The following LRP1 variants were observed in gnomAD, a reference collection of about 807,000 sequenced individuals.
LRP1 encodes the protein prolow-density lipoprotein receptor-related protein 1.
In LRP1, 51 loss-of-function variants were observed where a neutral mutation model predicts 541.5. That is an observed-to-expected ratio of 0.09 (90% confidence interval 0.08 to 0.12). The LOEUF (loss-of-function observed/expected upper bound fraction) is 0.12, where lower values mean the gene tolerates loss of function less well. Among genes scored for constraint, LRP1 ranks in the 10% least tolerant of loss-of-function variants. The pLI, the probability that LRP1 is intolerant of heterozygous loss-of-function variation, is 1.00. For missense variants in LRP1, 3,878 were observed against 6,376.2 expected (o/e 0.61, Z 13.34); for synonymous variants, 2,219 against 2,470.8 (o/e 0.90, Z 3.02).
rs924721486 is a variant in LRP1, at chr12:57,211,776, G to A, written c.13220G>A (p.Arg4407Gln). 8 of 1,612,896 alleles carry A rather than the reference G, an allele frequency of 5.0e-6. No individual in the cohort carries two copies. The highest frequency in any genetic ancestry group is 4.0e-5 in the African/African-American group (3 of 74,892). The part of the protein sequence containing the change: ...CQCPPHMTGP[R>Q]CEEHVFSQQQ... ...TGCCCACCCCACATGACAGGGCCCC[G>A]GTGTGAGGAGCACGTCTTCAGCCAG... The change falls in exon 86 of 89, where the codon CGG (arginine) becomes CAG (glutamine). Residue 4407 changes from arginine to glutamine, a missense_variant. Physicochemically the swap from Arg to Gln is conservative, Grantham distance 43. Around this residue, in one of 13 missense-constraint regions of LRP1, gnomAD observed 871 missense variants for 1,212.4 expected, o/e 0.72. Transcript: ENST00000243077. This position sits in a 1 kb window ranked among gnomAD's most constrained non-coding sequence, Gnocchi z 4.3.
Position 57,202,543 on chromosome 12 carries a change from T to TTGGGCCCCCCCC in LRP1, c.10711+6_10711+7insTGGGCCCCCCCC. ...CTCCGATGAAGAGAGCTGCAGTACGTCCCCACCCACCCAGCCCCGCATGAG... is the reference window on the plus strand; with the variant it reads ...CTCCGATGAAGAGAGCTGCAGTACGTTGGGCCCCCCCCCCCCACCCACCCAGCCCCGCATGAG... On this transcript the variant is annotated splice_region_variant and intron_variant, in intron 68 of 88. Coordinates refer to ENST00000243077, the MANE Select transcript of LRP1 (RefSeq NM_002332.3). The TTGGGCCCCCCCC allele has an allele frequency of 1.3e-6, 2 of 1,523,638 alleles. No individual in the cohort carries two copies. The highest frequency in any genetic ancestry group is 8.9e-7 in the Non-Finnish European group (1 of 1,124,814). The allele number at this position is 1,523,638 out of a possible 1,614,324, so 94.4% of individuals were successfully genotyped here.
chr12:57,143,483 T>C (rs2035338181), intron 3 of LRP1, among the ~76,000 whole-genome samples, 196 bp from the exon 4 acceptor site: 1 of 152,230 alleles, frequency 6.6e-6, no homozygotes, highest in Non-Finnish European at 1.5e-5. Context: ...ACCTTGGGCT[T>C]GTCTTATAGC....
chr12:57,144,702 G>C, intron 4 of LRP1: 1 of 487,420 alleles, frequency 2.1e-6, no homozygotes, highest in East Asian at 3.4e-5. Flanking sequence ...AAAGTTCACT[G>C]ATGCACCCCT....
intron 6 of LRP1, among the ~76,000 whole-genome samples, chr12:57,147,209 G>A (rs1460396943): frequency 6.6e-6 from 1 of 151,130 alleles, no homozygotes; most frequent in Non-Finnish European, 1.5e-5. Context: ...CCCAGCTTCT[G>A]TCCCTTCCTC....
At chr12:57,132,556 A>G (rs2035059254) in intron 1 of LRP1, among the ~76,000 whole-genome samples, 1 of 152,088 alleles carries the variant, frequency 6.6e-6, no homozygotes, top group Non-Finnish European at 1.5e-5. Flanking sequence ...TCCCAGGACA[A>G]CTGTGTCATC....
chr12:57,141,275 C>A (rs2035284727), intron 2 of LRP1, 99 bp from the exon 3 acceptor site: 2 of 1,448,148 alleles, frequency 1.4e-6, no homozygotes, highest in Non-Finnish European at 1.9e-6. Context: ...CTCCTGAGAT[C>A]TGAAACCCCA....
At position 57,181,251 on chromosome 12, in the gene LRP1, A is replaced by T; in HGVS notation, c.5622A>T (p.Thr1874=). The part of the protein sequence containing the change: ...TSETTRSCMC[T]AGYSLRSGQQ... ...AGACGACCCGCTCCTGCATGTGCAC[A>T]GCCGGCTATAGCCTCCGGAGTGGCC... is the stretch of plus-strand genomic sequence containing the variant. The change falls in exon 34 of 89, where the codon ACA becomes ACT. Residue 1874 remains threonine (T), a synonymous_variant. Coordinates refer to ENST00000243077, the MANE Select transcript of LRP1 (RefSeq NM_002332.3). 1 of 1,613,540 alleles carries T rather than the reference A, an allele frequency of 6.2e-7. No individual in the cohort carries two copies. Among genetic ancestry groups the T allele is most frequent in the Non-Finnish European group, 8.5e-7 (1 of 1,180,030 alleles).
At chr12:57,151,340 G>A (rs1049288935) in intron 6 of LRP1, among the ~76,000 whole-genome samples, 6 of 152,240 alleles carry the variant, frequency 3.9e-5, no homozygotes, top group African/African-American at 1.2e-4. Flanking sequence ...GTGGTCTCTC[G>A]TCTGACTCCT....
Position 57,185,209 on chromosome 12 carries a change from A to C in LRP1, c.6463+4A>C. 6.2e-7 allele frequency: 1 copy of C among 1,614,034 alleles called. No individual in the cohort carries two copies. Among genetic ancestry groups the C allele is most frequent in the Non-Finnish European group, 8.5e-7 (1 of 1,179,976 alleles). On this transcript the variant is annotated splice_donor_region_variant and intron_variant, in intron 40 of 88. Transcript: ENST00000243077. The surrounding 1 kb of genome is among the most constrained non-coding windows in gnomAD (Gnocchi z 4.9). ...TTCAACCGGGACCGGCAGAAAGGTG[A>C]GGCTGGGGCTCTGGGCTGGGGTGGA...
intron 62 of LRP1, 176 bp downstream of exon 62, chr12:57,200,201 A>G (rs2036619266): frequency 3.1e-6 from 2 of 639,962 alleles, no homozygotes; most frequent in African/African-American, 1.8e-5. Flanking sequence ...TACCCCCGTC[A>G]CCTCACACAG....
chr12:57,142,442 G>A (rs2035313877), intron 3 of LRP1, among the ~76,000 whole-genome samples: 1 of 152,020 alleles, frequency 6.6e-6, no homozygotes, highest in South Asian at 2.1e-4. Context: ...AGGGAGGATG[G>A]AGCAAAGGAG....
chr12:57,169,075 G>A (rs2035894221), intron 19 of LRP1, 65 bp from the exon 20 acceptor site: 1 of 1,477,008 alleles, frequency 6.8e-7, no homozygotes, highest in Non-Finnish European at 9.3e-7. Context: ...GCCCAAGCTG[G>A]GATCACAGAG....
chr12:57,156,695 G>A lies in LRP1; in HGVS notation c.1418-82G>A. The A allele has an allele frequency of 7.0e-7, 1 of 1,420,476 alleles. No individual in the cohort carries two copies. The allele number at this position is 1,420,476 out of a possible 1,614,324, so 88.0% of individuals were successfully genotyped here. ...AGCACAAAGACCACAGCAGCAGGGG[G>A]TGTGGTCAGATTCAGGAAGCCTTCT... On this transcript the variant is annotated intron_variant, in intron 9 of 88. Transcript: ENST00000243077. The surrounding 1 kb of genome is among the most constrained non-coding windows in gnomAD (Gnocchi z 5.2).
chr12:57,184,057 C>T lies in LRP1; in HGVS notation c.5930-28C>T, dbSNP rs35161844. ...AGGTCCACCTGTCCTCACCTAACCT[C>T]CCTGAGCCCCACCAACTCCCTCCTT... On this transcript the variant is annotated intron_variant, in intron 36 of 88. Transcript: ENST00000243077. The surrounding 1 kb of genome is among the most constrained non-coding windows in gnomAD (Gnocchi z 7.8). 5.0e-3 allele frequency: 8,019 copies of T among 1,609,688 alleles called. 344 individuals are homozygous for T. The African/African-American group carries it at 0.091, about 18-fold the overall frequency.
rs546686871 is a variant in LRP1, at chr12:57,189,365, C to A, written c.7032-1440C>A. 6.6e-6 allele frequency among the ~76,000 whole-genome samples: 1 copy of A among 152,234 alleles called. No homozygotes were observed. Among genetic ancestry groups the A allele is most frequent in the African/African-American group, 2.4e-5 (1 of 41,526 alleles). On this transcript the variant is annotated intron_variant, in intron 42 of 88. Transcript: ENST00000243077. This position sits in a 1 kb window ranked among gnomAD's most constrained non-coding sequence, Gnocchi z 4.4. The stretch of plus-strand genomic sequence containing the variant: ...GATGACTGGCCACTGCCCCAGGATA[C>A]CCATTTTCCCTTATGGAGGCTAGAA...
At chr12:57,200,937 T>C in intron 64 of LRP1, 97 bp from the exon 65 acceptor site, 1 of 1,587,910 alleles carries the variant, frequency 6.3e-7, no homozygotes, top group Non-Finnish European at 8.6e-7. Flanking sequence ...TGGATTCCTA[T>C]GGCTCAAGCC....
rs1459580538 is a variant in LRP1 at position 57,211,066 on chromosome 12, G to A, written c.12917-110G>A. The A allele has an allele frequency of 3.6e-6, 5 of 1,401,400 alleles. No homozygotes were observed. Among genetic ancestry groups the A allele is most frequent in the Admixed American group, 1.8e-5 (1 of 54,238 alleles). 86.8% of individuals were successfully genotyped at this position (1,401,400 alleles called of 1,614,324 possible). A position where few individuals can be genotyped will look rare whatever the true frequency, so the allele number is the denominator to read the frequency against. On this transcript the variant is annotated intron_variant, in intron 83 of 88. Transcript: ENST00000243077. This position sits in a 1 kb window ranked among gnomAD's most constrained non-coding sequence, Gnocchi z 4.3. ...AAGGTGCTGGCACACTTCCCCTGAGGCAGTGCACCCCCTGCACCAAGATTA... is the reference window on the plus strand; with the variant it reads ...AAGGTGCTGGCACACTTCCCCTGAGACAGTGCACCCCCTGCACCAAGATTA...
intron 10 of LRP1, 100 bp downstream of exon 10, chr12:57,157,020 G>A (rs2035635225): frequency 1.5e-6 from 2 of 1,377,398 alleles, no homozygotes; most frequent in African/African-American, 1.4e-5. Flanking sequence ...CATGCAGGGA[G>A]ATGAAGGAAG....
chr12:57,203,047 G>A (rs577544520), intron 68 of LRP1, 134 bp from the exon 69 acceptor site: 2 of 672,410 alleles, frequency 3.0e-6, no homozygotes, highest in African/African-American at 1.8e-5. Flanking sequence ...GCCAGGACTG[G>A]CTCGGCCTCT....
Sources: allele counts gnomAD v4.1 joint callset (sites outside exome capture counted in the v4.1 genomes callset), GRCh38; gene constraint gnomAD v4.1.1; regional missense constraint gnomAD v4.1.1; non-coding constraint Gnocchi (gnomAD v3.1); transcripts MANE v1.5; gene names NCBI Gene and HGNC (gene_info 2026-07-23, HGNC 2026-07-21).